IGFL2: variants seen among roughly 807,000 people sequenced by gnomAD.
IGFL2 encodes insulin growth factor-like family member 2.
A neutral mutation model predicts 13.9 loss-of-function variants in IGFL2; 7 were observed. The observed-to-expected ratio is 0.51, with a 90% CI of 0.29 to 0.95. The LOEUF (loss-of-function observed/expected upper bound fraction) is 0.95. Among genes scored for constraint, IGFL2 ranks in the 40% least tolerant of loss-of-function variants. The pLI is 0.08. For missense variants in IGFL2, 138 were observed against 147.8 expected (o/e 0.93, Z 0.34); for synonymous variants, 55 against 55.8 (o/e 0.99, Z 0.07).
chr19:46,212,726 T>C, the IGFL2 span: 61 of 151,980 alleles, frequency 4.0e-4, no homozygotes, highest in African/African-American at 1.4e-3. Flanking sequence ...TCTCTCTCTC[T>C]CTCTCTCTCT....
chr19:46,187,717 G>A, the IGFL2 span, among the ~76,000 whole-genome samples: 6 of 148,296 alleles, frequency 4.0e-5, no homozygotes, highest in African/African-American at 1.3e-4. Flanking sequence ...GATCAGAGAC[G>A]GTGAGCATTA....
the IGFL2 span, chr19:46,198,141 ACT>A: frequency 7.4e-6 from 1 of 135,662 alleles, no homozygotes; most frequent in Non-Finnish European, 1.6e-5. Flanking sequence ...TCAGGGTCTC[ACT>A]CTGTTGCCCA....
At chr19:46,112,402 G>T in the IGFL2 span, among the ~76,000 whole-genome samples, 1 of 152,172 alleles carries the variant, frequency 6.6e-6, no homozygotes, top group Admixed American at 6.5e-5. Flanking sequence ...TTTCCAATGA[G>T]AAAGGAAAAA....
chr19:46,113,144 TGA>T, the IGFL2 span: 1 of 157,342 alleles, frequency 6.4e-6, no homozygotes. Context: ...ACATCTGAGA[TGA>T]GACCCAGACT....
chr19:46,145,593 CAT>C (rs546289879), upstream of IGFL2, among the ~76,000 whole-genome samples: 1,576 of 87,742 alleles, frequency 0.018, 25 homozygotes, highest in African/African-American at 0.043. Flanking sequence ...AGGACACACT[CAT>C]ATATATGTGT....
chr19:46,208,075 G>A, the IGFL2 span: 2 of 152,230 alleles, frequency 1.3e-5, no homozygotes, highest in Non-Finnish European at 2.9e-5. Context: ...CGACAAAGCA[G>A]GTTAATTACT....
At chr19:46,161,322 T>C (rs956118952), downstream of IGFL2, 149 of 358,242 alleles carry the variant, frequency 4.2e-4, no homozygotes, top group Admixed American at 4.1e-3. Flanking sequence ...TCCTTTCTTT[T>C]TTTTTTTTTT....
chr19:46,155,543 AT>A (rs1973775686), intron 1 of IGFL2, among the ~76,000 whole-genome samples: 1 of 152,240 alleles, frequency 6.6e-6, no homozygotes, highest in African/African-American at 2.4e-5. Flanking sequence ...TATAAAAAAA[AT>A]AATTTTCATC....
the IGFL2 span, among the ~76,000 whole-genome samples, chr19:46,109,264 C>T: frequency 6.6e-6 from 1 of 151,500 alleles, no homozygotes. Flanking sequence ...GTTTTGTGGG[C>T]AGGGGGTGGA....
the IGFL2 span, among the ~76,000 whole-genome samples, chr19:46,186,527 G>A: frequency 6.6e-6 from 1 of 151,642 alleles, no homozygotes; most frequent in Non-Finnish European, 1.5e-5. Context: ...GGTCCCACAT[G>A]GAGGCTGCTT....
At chr19:46,137,513 C>A in the IGFL2 span, 1 of 1,114,198 alleles carries the variant, frequency 9.0e-7, no homozygotes, top group Middle Eastern at 2.0e-4. Flanking sequence ...CTTGCCTGAG[C>A]CAGAGGATGA....
At chr19:46,081,007 TCAGCCCACCTTTTAAACC>T in the IGFL2 span, among the ~76,000 whole-genome samples, 1 of 152,210 alleles carries the variant, frequency 6.6e-6, no homozygotes, top group Non-Finnish European at 1.5e-5. Flanking sequence ...CTGGGGATCA[TCAGCCCACCTTTTAAACC>T]CAGCCCACAA....
chr19:46,140,838 C>G (rs1191243388), upstream of IGFL2, among the ~76,000 whole-genome samples: 1 of 152,148 alleles, frequency 6.6e-6, no homozygotes, highest in East Asian at 1.9e-4. Context: ...GGGGCCCAGT[C>G]TAAGGGGAGC....
At chr19:46,206,203 C>G in the IGFL2 span, among the ~76,000 whole-genome samples, 1 of 152,156 alleles carries the variant, frequency 6.6e-6, no homozygotes, top group Admixed American at 6.5e-5. Flanking sequence ...CCCCCTGCCC[C>G]GTCATCATCA....
the IGFL2 span, among the ~76,000 whole-genome samples, chr19:46,085,310 C>T: frequency 2.6e-5 from 4 of 152,018 alleles, no homozygotes; most frequent in Non-Finnish European, 4.4e-5. Flanking sequence ...CTCTTGACTC[C>T]AGACTGTAGT....
At chr19:46,096,120 A>G in the IGFL2 span, among the ~76,000 whole-genome samples, 2 of 152,056 alleles carry the variant, frequency 1.3e-5, no homozygotes, top group African/African-American at 2.4e-5. Flanking sequence ...CAGTATGGCC[A>G]TTTTCATGAT....
At chr19:46,110,079 A>T in the IGFL2 span, among the ~76,000 whole-genome samples, 1 of 152,222 alleles carries the variant, frequency 6.6e-6, no homozygotes, top group African/African-American at 2.4e-5. Flanking sequence ...ACAGCAAAGG[A>T]CATAAGTTTG....
intron 1 of IGFL2, chr19:46,148,932 C>G (rs1380018572): frequency 6.4e-7 from 1 of 1,559,338 alleles, no homozygotes; most frequent in African/African-American, 1.4e-5. Context: ...AGACCCAGCC[C>G]TGTAGCCCAG....
At chr19:46,175,842 T>A in the IGFL2 span, among the ~76,000 whole-genome samples, 112 of 51,448 alleles carry the variant, frequency 2.2e-3, no homozygotes, top group African/African-American at 7.5e-3. Flanking sequence ...TGCCTGGCAC[T>A]ATTTTTTTTT....
Sources: gnomAD v4.1 joint callset for allele counts (sites outside exome capture counted in the v4.1 genomes callset) on GRCh38, gnomAD v4.1.1 for gene constraint, MANE v1.5 for transcripts, NCBI Gene and HGNC (gene_info 2026-07-23, HGNC 2026-07-21) for gene names.